MAP3K1: variants seen among roughly 807,000 people sequenced by gnomAD.
MAP3K1 encodes mitogen-activated protein kinase kinase kinase 1.
Under a neutral mutation model 144.2 loss-of-function variants are expected in MAP3K1, and 36 were observed. The observed-to-expected ratio is 0.25, with a 90% CI of 0.19 to 0.33. MAP3K1 has a LOEUF of 0.33. Ranked by LOEUF, MAP3K1 falls within the 10% of genes least tolerant of loss-of-function variation. The pLI is 1.00. For synonymous variants in MAP3K1, 718 were observed against 688.7 expected, an observed-to-expected ratio of 1.04 and a Z score of -0.67; for missense variants, 1,650 against 1,881.9, an observed-to-expected ratio of 0.88 and a Z score of 2.28.
chr5:56,819,707 C>G (rs73759211), intron 1 of MAP3K1, among the ~76,000 whole-genome samples: 3,164 of 152,310 alleles, frequency 0.021, 110 homozygotes, highest in African/African-American at 0.073. Context: ...GTAGTAGTCT[C>G]TAGAGGCTGC....
At chr5:56,830,885 G>GT (rs148562148) in intron 1 of MAP3K1, among the ~76,000 whole-genome samples, 6,757 of 139,590 alleles carry the variant, frequency 0.048, 438 homozygotes, top group African/African-American at 0.15. Flanking sequence ...GTCATTTACT[G>GT]TTTTTTTTTT....
intron 1 of MAP3K1, among the ~76,000 whole-genome samples, chr5:56,841,188 A>G (rs1340119461): frequency 1.4e-5 from 2 of 138,596 alleles, no homozygotes; most frequent in East Asian, 2.0e-4. Context: ...AGAGAAATGT[A>G]TGGCTTATTG....
In MAP3K1 at chr5:56,883,518, A is replaced by C; in HGVS notation, c.3667-9A>C. On this transcript the variant is annotated splice_polypyrimidine_tract_variant and intron_variant, in intron 14 of 19. Transcript: ENST00000399503. ...AACAGTAAAAAGATTGCTTTCGTTT[A>C]ATATGTAGACACCAGAGACTCTACC... 1 of 1,613,462 alleles carries C rather than the reference A, an allele frequency of 6.2e-7. No individual in the cohort carries two copies. Among genetic ancestry groups the C allele is most frequent in the Non-Finnish European group, 8.5e-7 (1 of 1,179,470 alleles).
intron 11 of MAP3K1, among the ~76,000 whole-genome samples, chr5:56,879,884 C>T (rs1411285322): frequency 3.3e-5 from 5 of 152,204 alleles, no homozygotes; most frequent in Non-Finnish European, 7.3e-5. Context: ...TCTTCCATTT[C>T]ACCCATTTAG....
chr5:56,816,986 C>T (rs1745997242), intron 1 of MAP3K1: 1 of 795,072 alleles, frequency 1.3e-6, no homozygotes, highest in Non-Finnish European at 1.5e-6. Flanking sequence ...GGCCCGGGGA[C>T]TGCGGCGCGG....
intron 10 of MAP3K1, among the ~76,000 whole-genome samples, chr5:56,878,444 T>C (rs1748105959): frequency 1.3e-5 from 2 of 152,186 alleles, no homozygotes; most frequent in South Asian, 4.1e-4. Flanking sequence ...ACAACTAAAG[T>C]ATAATTTAAA....
chr5:56,880,910 AT>A, intron 12 of MAP3K1, 108 bp downstream of exon 12: 1 of 1,073,492 alleles, frequency 9.3e-7, no homozygotes, highest in Non-Finnish European at 1.4e-6. Context: ...TTTTGAAGTA[AT>A]TTTATAAATT....
intron 15 of MAP3K1, among the ~76,000 whole-genome samples, chr5:56,884,033 C>T (rs745353501): frequency 2.0e-5 from 3 of 152,004 alleles, no homozygotes; most frequent in Non-Finnish European, 2.9e-5. Flanking sequence ...CCTGTAGTCC[C>T]AGCTACTCAG....
At chr5:56,822,752 C>A (rs530474464) in intron 1 of MAP3K1, among the ~76,000 whole-genome samples, 15 of 152,194 alleles carry the variant, frequency 9.9e-5, no homozygotes, top group Non-Finnish European at 1.9e-4. Context: ...CAGACCTACA[C>A]CTGGCTACAT....
At chr5:56,838,949 A>G (rs1746732438) in intron 1 of MAP3K1, among the ~76,000 whole-genome samples, 4 of 152,238 alleles carry the variant, frequency 2.6e-5, no homozygotes. Flanking sequence ...GAAATGAACT[A>G]TTCCAAAAAA....
At chr5:56,863,873 G>C (rs1052713869) in intron 3 of MAP3K1, among the ~76,000 whole-genome samples, 1 of 152,206 alleles carries the variant, frequency 6.6e-6, no homozygotes, top group Non-Finnish European at 1.5e-5. Context: ...TTCTAGGAAA[G>C]TTAGTATAGT....
In MAP3K1 at chr5:56,882,565, T is replaced by G; in HGVS notation, c.3365T>G (p.Leu1122Ter). The change falls in exon 14 of 20, where the codon TTA (leucine) becomes TGA (stop). Residue 1122 changes from leucine (L) to a stop codon, truncating the protein, a stop_gained. Coordinates refer to ENST00000399503, the MANE Select transcript of MAP3K1 (RefSeq NM_005921.2). LOFTEE classifies it high-confidence loss of function. ...VFTPVEEKCRLDVNTELNSSI... is the reference protein window; with the variant it reads ...VFTPVEEKCR ...ACCCCAGTAGAGGAGAAATGCAGAT[T>G]AGATGTCAATACAGAGCTCAACTCC... 1 of 1,614,140 alleles carries G rather than the reference T, an allele frequency of 6.2e-7. No individual in the cohort carries two copies. Among genetic ancestry groups the G allele is most frequent in the Non-Finnish European group, 8.5e-7 (1 of 1,180,022 alleles).
intron 1 of MAP3K1, among the ~76,000 whole-genome samples, chr5:56,822,859 C>G (rs549699063): frequency 2.0e-5 from 3 of 152,208 alleles, no homozygotes; most frequent in Non-Finnish European, 2.9e-5. Context: ...GAACCAGAAC[C>G]CAGGAGTCAC....
rs1411309073 is a variant in MAP3K1 at position 56,882,703 on chromosome 5, A to G, written c.3503A>G (p.Lys1168Arg). 1.2e-6 allele frequency: 2 copies of G among 1,614,132 alleles called. No individual in the cohort carries two copies. The highest frequency in any genetic ancestry group is 8.5e-7 in the Non-Finnish European group (1 of 1,180,014). ...PEKAENDDTY[K>R]DDVNHNQKCK... ...AAGGCTGAAAATGATGATACCTACA[A>G]AGATGATGTGAATCATAATCAAAAG... The change falls in exon 14 of 20, where the codon AAA becomes AGA. Residue 1168 changes from lysine (K) to arginine (R), a missense_variant. This residue lies in a region of MAP3K1 where 841 missense variants were observed against 886.5 expected (regional missense o/e 0.95). Coordinates refer to ENST00000399503, the MANE Select transcript of MAP3K1 (RefSeq NM_005921.2).
chr5:56,815,962 C>T lies in MAP3K1; in HGVS notation c.389C>T (p.Ala130Val), dbSNP rs1745939998. Residue 130 changes from alanine (A) to valine (V), a missense_variant, in exon 1 of 20, where the codon GCG (alanine) becomes GTG (valine). Physicochemically the swap from Ala to Val is moderately conservative, Grantham distance 64. Transcript: ENST00000399503. ...GGAHLTESVA[A>V]PDSGASSPAA... Reference sequence around the variant, plus strand: ...GCCCACCTTACCGAGTCGGTGGCGGCGCCGGACAGCGGCGCCTCGAGTCCC... The same window carrying T: ...GCCCACCTTACCGAGTCGGTGGCGGTGCCGGACAGCGGCGCCTCGAGTCCC... The T allele has an allele frequency of 1.6e-6, 2 of 1,257,702 alleles. No homozygotes were observed. The highest frequency in any genetic ancestry group is 2.9e-5 in the South Asian group (1 of 34,208). The allele number at this position is 1,257,702 out of a possible 1,614,324, so 77.9% of individuals were successfully genotyped here.
At chr5:56,868,933 TAA>T (rs2111902899) in intron 6 of MAP3K1, among the ~76,000 whole-genome samples, 1 of 152,270 alleles carries the variant, frequency 6.6e-6, no homozygotes, top group African/African-American at 2.4e-5. Flanking sequence ...GACATTATTC[TAA>T]GCAAAATAAG....
intron 1 of MAP3K1, among the ~76,000 whole-genome samples, chr5:56,822,503 A>G (rs2111751598): frequency 6.6e-6 from 1 of 152,274 alleles, no homozygotes; most frequent in Non-Finnish European, 1.5e-5. Flanking sequence ...GTGTCTAATT[A>G]TTTGCGTTAA....
intron 1 of MAP3K1, among the ~76,000 whole-genome samples, chr5:56,825,489 T>C (rs1420801336): frequency 1.3e-5 from 2 of 152,150 alleles, no homozygotes; most frequent in Non-Finnish European, 2.9e-5. Context: ...TGCATACAAC[T>C]TTCTCCAGGA....
Position 56,884,829 on chromosome 5 carries a change from A to G in MAP3K1, c.3982+3A>G. The stretch of plus-strand genomic sequence containing the variant: ...TCTCTTCATTGAATGGATGGCAGGT[A>G]TGTTAATGTTTTAAATTACAAAATA... On this transcript the variant is annotated splice_donor_region_variant and intron_variant, in intron 16 of 19. Transcript: ENST00000399503. The G allele has an allele frequency of 6.2e-7, 1 of 1,613,118 alleles. No individual in the cohort carries two copies. Among genetic ancestry groups the G allele is most frequent in the Non-Finnish European group, 8.5e-7 (1 of 1,179,278 alleles).
Sources: allele counts gnomAD v4.1 joint callset (sites outside exome capture counted in the v4.1 genomes callset), GRCh38; gene constraint gnomAD v4.1.1; regional missense constraint gnomAD v4.1.1; transcripts MANE v1.5; gene names NCBI Gene and HGNC (gene_info 2026-07-23, HGNC 2026-07-21).